Variants in VIT observed in about 807,000 individuals in gnomAD.
The protein encoded by VIT is vitrin.
In VIT, 99 loss-of-function variants were observed where a neutral mutation model predicts 78.0. The observed-to-expected ratio is 1.27, with a 90% CI of 1.08 to 1.50. The LOEUF is 1.50. Among genes scored for constraint, VIT ranks in the 40% most tolerant of loss-of-function variants. The pLI is 0.00. For synonymous variants in VIT, 374 were observed against 334.3 expected (o/e 1.12, Z -1.29); for missense variants, 1,126 against 875.3 (o/e 1.29, Z -3.61).
At chr2:36,773,434 G>A (rs1669871230) in intron 7 of VIT, among the ~76,000 whole-genome samples, 1 of 151,770 alleles carries the variant, frequency 6.6e-6, no homozygotes, top group Admixed American at 6.6e-5. Context: ...ATCATAGAAA[G>A]AATGAAAACA....
chr2:36,752,195 C>G (rs1362802974), intron 4 of VIT, among the ~76,000 whole-genome samples: 1 of 152,186 alleles, frequency 6.6e-6, no homozygotes, highest in East Asian at 1.9e-4. Flanking sequence ...TATTTTGGCT[C>G]AGGCTTATCC....
chr2:36,801,775 G>GA (rs1302575854), intron 13 of VIT, among the ~76,000 whole-genome samples: 5,677 of 141,568 alleles, frequency 0.04, 121 homozygotes, highest in African/African-American at 0.07. Flanking sequence ...GACTCCATCT[G>GA]AAAAAAAAAA....
At chr2:36,758,893 A>G in intron 5 of VIT, 76 bp from the exon 6 acceptor site, 1 of 1,260,162 alleles carries the variant, frequency 7.9e-7, no homozygotes, top group Non-Finnish European at 1.1e-6. Context: ...GAAAGGACAG[A>G]ATCAACTTAG....
intron 2 of VIT, among the ~76,000 whole-genome samples, chr2:36,725,106 T>G (rs1666749474): frequency 6.6e-6 from 1 of 152,156 alleles, no homozygotes. Flanking sequence ...CTGCCTTCAT[T>G]CTGCCTGGCT....
chr2:36,780,904 A>G (rs887655103), intron 9 of VIT, among the ~76,000 whole-genome samples: 4 of 152,132 alleles, frequency 2.6e-5, no homozygotes, highest in Non-Finnish European at 5.9e-5. Context: ...TGTGTGTTAT[A>G]AGGCTTCCTG....
At chr2:36,788,351 T>G (rs1284640241) in intron 12 of VIT, among the ~76,000 whole-genome samples, 4 of 152,232 alleles carry the variant, frequency 2.6e-5, no homozygotes, top group Admixed American at 2.6e-4. Flanking sequence ...ATATTAATTT[T>G]TGAGTTGTCA....
intron 12 of VIT, among the ~76,000 whole-genome samples, chr2:36,797,042 CAG>C (rs1665954327): frequency 6.6e-6 from 1 of 151,374 alleles, no homozygotes; most frequent in Non-Finnish European, 1.5e-5. Context: ...TTATTATTGT[CAG>C]TGTCAATTTT....
intron 3 of VIT, among the ~76,000 whole-genome samples, chr2:36,738,454 A>T (rs919072896): frequency 6.6e-6 from 1 of 152,188 alleles, no homozygotes; most frequent in Non-Finnish European, 1.5e-5. Flanking sequence ...TGTAAACTAA[A>T]ATATGTATTT....
rs1023494067 is a variant in VIT at position 36,759,261 on chromosome 2, G to A, written c.487+215G>A. 1.5e-5 allele frequency: 23 copies of A among 1,495,240 alleles called. No homozygotes were observed. Among genetic ancestry groups the A allele is most frequent in the African/African-American group, 7.0e-5 (5 of 71,426 alleles). 92.6% of individuals were successfully genotyped at this position (1,495,240 alleles called of 1,614,324 possible). A position where few individuals can be genotyped will look rare whatever the true frequency, so the allele number is the denominator to read the frequency against. On this transcript the variant is annotated intron_variant, in intron 6 of 15. Coordinates refer to ENST00000379242, the MANE Select transcript of VIT (RefSeq NM_053276.4). The stretch of plus-strand genomic sequence containing the variant: ...CTTTATTTTTTGTTTTTGCAATTCC[G>A]AGATTGTGTCTCTATATTTGTGTCA...
At position 36,814,427 on chromosome 2, in the gene VIT, C is replaced by A; in HGVS notation, c.*66C>A. On this transcript the variant is annotated 3_prime_UTR_variant, in exon 16 of 16. Coordinates refer to ENST00000379242, the MANE Select transcript of VIT (RefSeq NM_053276.4). Reference sequence around the variant, plus strand: ...ACTGACGTGTTGGACCACCCCACCGCTTAATGGGGCACGCACGGTGCATCA... The same window carrying A: ...ACTGACGTGTTGGACCACCCCACCGATTAATGGGGCACGCACGGTGCATCA... 1.3e-6 allele frequency: 2 copies of A among 1,573,904 alleles called. No homozygotes were observed. Among genetic ancestry groups the A allele is most frequent in the South Asian group, 2.3e-5 (2 of 87,236 alleles).
intron 1 of VIT, among the ~76,000 whole-genome samples, chr2:36,702,521 T>C (rs191884749): frequency 8.5e-5 from 13 of 152,322 alleles, no homozygotes; most frequent in Admixed American, 8.5e-4. Flanking sequence ...ATATTCAAGC[T>C]TAAAGTCTCA....
Position 36,743,257 on chromosome 2 carries a change from G to A in VIT, c.275+1G>A, listed in dbSNP as rs1356807752. 3 of 1,612,278 alleles carry A rather than the reference G, an allele frequency of 1.9e-6. No homozygotes were observed. The highest frequency in any genetic ancestry group is 2.5e-6 in the Non-Finnish European group (3 of 1,178,632). ...GTGTGTGTGGCGCTGCCGTACACAGGTGAGTGGTTCTGAGCTACTTAATAA... is the reference window on the plus strand; with the variant it reads ...GTGTGTGTGGCGCTGCCGTACACAGATGAGTGGTTCTGAGCTACTTAATAA... On this transcript the variant is annotated splice_donor_variant, in intron 4 of 15. Coordinates refer to ENST00000379242, the MANE Select transcript of VIT (RefSeq NM_053276.4). LOFTEE classifies it high-confidence loss of function.
chr2:36,768,475 C>G (rs768173459), intron 7 of VIT, among the ~76,000 whole-genome samples: 3 of 152,200 alleles, frequency 2.0e-5, no homozygotes, highest in Non-Finnish European at 2.9e-5. Context: ...TTTGAATATG[C>G]TAGCCCATCT....
intron 4 of VIT, 152 bp downstream of exon 4, chr2:36,743,408 C>A: frequency 3.3e-6 from 3 of 900,968 alleles, no homozygotes; most frequent in Non-Finnish European, 4.8e-6. Context: ...AGTGCTTTTA[C>A]TGGATATAGA....
intron 12 of VIT, among the ~76,000 whole-genome samples, chr2:36,792,609 C>A (rs752702657): frequency 3.3e-5 from 5 of 152,280 alleles, no homozygotes; most frequent in Admixed American, 3.3e-4. Flanking sequence ...GATGCCCAGA[C>A]CAAACTTCAC....
chr2:36,780,340 G>C (rs1207224351), intron 9 of VIT, among the ~76,000 whole-genome samples: 1 of 152,174 alleles, frequency 6.6e-6, no homozygotes, highest in East Asian at 1.9e-4. Context: ...AAGAAAGCAA[G>C]CAAGCCTTGG....
intron 1 of VIT, among the ~76,000 whole-genome samples, chr2:36,699,584 T>TTATATATATAGATATAGA (rs60414565): frequency 1.2e-4 from 10 of 83,560 alleles, no homozygotes; most frequent in Non-Finnish European, 1.6e-4. Context: ...TTAGAGGAGA[T>TTATATATATAGATATAGA]TATAGATATA....
At chr2:36,760,575 C>T (rs959721858) in intron 6 of VIT, among the ~76,000 whole-genome samples, 6 of 152,200 alleles carry the variant, frequency 3.9e-5, no homozygotes, top group African/African-American at 9.6e-5. Context: ...GGCACAGAGA[C>T]GAAGAATGGG....
chr2:36,805,177 G>A (rs1019384091), intron 13 of VIT, among the ~76,000 whole-genome samples: 2 of 151,972 alleles, frequency 1.3e-5, no homozygotes, highest in Non-Finnish European at 2.9e-5. Context: ...AGTGGCACAC[G>A]CCTGTAGTCC....
Sources: gnomAD v4.1 joint callset for allele counts (sites outside exome capture counted in the v4.1 genomes callset) on GRCh38, gnomAD v4.1.1 for gene constraint, MANE v1.5 for transcripts, NCBI Gene and HGNC (gene_info 2026-07-23, HGNC 2026-07-21) for gene names.